The following PSMD7 variants were observed in gnomAD, a reference collection of about 807,000 sequenced individuals.
PSMD7 encodes proteasome 26S subunit, non-ATPase 7.
Under a neutral mutation model 36.4 loss-of-function variants are expected in PSMD7, and 13 were observed. The ratio of observed to expected loss-of-function variants is 0.36; its 90% CI spans 0.23 to 0.57. The LOEUF (loss-of-function observed/expected upper bound fraction) is 0.57, where lower values mean the gene tolerates loss of function less well. Ranked by LOEUF, PSMD7 falls within the 20% of genes least tolerant of loss-of-function variation. PSMD7 has a pLI of 0.83. For missense variants in PSMD7, 298 were observed against 393.6 expected (o/e 0.76, Z 2.06); for synonymous variants, 186 against 151.0 (o/e 1.23, Z -1.70).
intron 1 of PSMD7, among the ~76,000 whole-genome samples, chr16:74,297,562 C>G (rs894072691): frequency 6.6e-6 from 1 of 151,942 alleles, no homozygotes; most frequent in African/African-American, 2.4e-5. Context: ...CCATTTAGCC[C>G]CGCCCCAAGG....
rs556829912 is a variant in PSMD7, at chr16:74,300,565, A to C, written c.166+359A>C. The stretch of plus-strand genomic sequence containing the variant: ...GTTTAACCACGCTTCTTATAGGTAC[A>C]GTAAGGAGAGAGATGGGGAACTTTA... On this transcript the variant is annotated intron_variant, in intron 2 of 6. Coordinates refer to ENST00000219313, the MANE Select transcript of PSMD7 (RefSeq NM_002811.5). 5.5e-5 allele frequency: 16 copies of C among 293,002 alleles called. No homozygotes were observed. In the East Asian group the frequency reaches 1.1e-3, roughly 21 times the overall value. The allele number at this position is 293,002 out of a possible 1,614,324, so 18.2% of individuals were successfully genotyped here. A position where few individuals can be genotyped will look rare whatever the true frequency, so the allele number is the denominator to read the frequency against.
intron 1 of PSMD7, among the ~76,000 whole-genome samples, chr16:74,298,562 G>C (rs951260102): frequency 6.6e-6 from 1 of 152,224 alleles, no homozygotes; most frequent in African/African-American, 2.4e-5. Flanking sequence ...TCAAGCACTT[G>C]TTAAGAGCAC....
chr16:74,305,784 A>G lies in PSMD7; in HGVS notation c.*51A>G, dbSNP rs2034191917. On this transcript the variant is annotated 3_prime_UTR_variant, in exon 7 of 7. Transcript: ENST00000219313. ...TTTGTAAATTAAAATCTTACAAACT[A>G]AATCAGTGTGCTGCTAGAGGGTTCT... 2.1e-6 allele frequency: 3 copies of G among 1,405,646 alleles called. No homozygotes were observed. Among genetic ancestry groups the G allele is most frequent in the Non-Finnish European group, 2.8e-6 (3 of 1,082,462 alleles). The allele number at this position is 1,405,646 out of a possible 1,614,324, so 87.1% of individuals were successfully genotyped here. A position where few individuals can be genotyped will look rare whatever the true frequency, so the allele number is the denominator to read the frequency against.
chr16:74,300,003 C>G (rs931091989), intron 1 of PSMD7, 112 bp from the exon 2 acceptor site: 6 of 937,096 alleles, frequency 6.4e-6, no homozygotes, highest in African/African-American at 1.6e-5. Context: ...GATTAGTTCC[C>G]AGGTAAACTA....
In PSMD7 at chr16:74,298,202, T is replaced by A. The variant is rs542260766; in HGVS notation, c.74+1214T>A. ...GACCAGTTGGAGATTTGAACCTTAA[T>A]GAATAAGGTAAGGAAACATCTCAAA... On this transcript the variant is annotated intron_variant, in intron 1 of 6. Transcript: ENST00000219313. Among the ~76,000 whole-genome samples the A allele has an allele frequency of 4.1e-5, 6 of 147,700 alleles. No individual in the cohort carries two copies. In the South Asian group the frequency reaches 1.1e-3, roughly 27 times the overall value.
chr16:74,305,826 T>C lies in PSMD7; in HGVS notation c.*93T>C. ...GAGGGTTCTTTTTCACTTGACATGC[T>C]TATTAGAAAGCTGACCCAACAAGAG... On this transcript the variant is annotated 3_prime_UTR_variant, in exon 7 of 7. Transcript: ENST00000219313. 1 of 1,347,700 alleles carries C rather than the reference T, an allele frequency of 7.4e-7. No homozygotes were observed. The highest frequency in any genetic ancestry group is 9.5e-7 in the Non-Finnish European group (1 of 1,047,582). 83.5% of individuals were successfully genotyped at this position (1,347,700 alleles called of 1,614,324 possible). A position where few individuals can be genotyped will look rare whatever the true frequency, so the allele number is the denominator to read the frequency against.
intron 5 of PSMD7, among the ~76,000 whole-genome samples, chr16:74,303,257 A>G (rs1282804220): frequency 6.6e-6 from 1 of 152,254 alleles, no homozygotes; most frequent in East Asian, 1.9e-4. Flanking sequence ...CAGGATTAAC[A>G]CTATCCTAAA....
At chr16:74,304,196 A>G in intron 5 of PSMD7, 107 bp from the exon 6 acceptor site, 3 of 927,888 alleles carry the variant, frequency 3.2e-6, no homozygotes, top group Non-Finnish European at 5.2e-6. Context: ...TCAGTCATGC[A>G]CTCATTAAAT....
chr16:74,300,844 G>T (rs1156444967), intron 2 of PSMD7, among the ~76,000 whole-genome samples: 1 of 152,170 alleles, frequency 6.6e-6, no homozygotes, highest in Non-Finnish European at 1.5e-5. Context: ...TAGTTGCCAG[G>T]TATTCCAGTT....
chr16:74,298,303 C>G (rs765448699), intron 1 of PSMD7, among the ~76,000 whole-genome samples: 2 of 152,020 alleles, frequency 1.3e-5, no homozygotes, highest in Admixed American at 1.3e-4. Flanking sequence ...TCCTGCTAGA[C>G]CTGTTGCACA....
Position 74,305,905 on chromosome 16 carries a change from T to C in PSMD7, c.*172T>C. 1.6e-6 allele frequency: 1 copy of C among 630,148 alleles called. No homozygotes were observed. Among genetic ancestry groups the C allele is most frequent in the Non-Finnish European group, 2.3e-6 (1 of 430,688 alleles). The allele number at this position is 630,148 out of a possible 1,614,324, so 39.0% of individuals were successfully genotyped here. The stretch of plus-strand genomic sequence containing the variant: ...GTGCTACGTGGAAGTGAATGGAGAC[T>C]GATCTCAAATCTGAACTGCAGCTTT... On this transcript the variant is annotated 3_prime_UTR_variant, in exon 7 of 7. Coordinates refer to ENST00000219313, the MANE Select transcript of PSMD7 (RefSeq NM_002811.5).
Position 74,305,282 on chromosome 16 carries a change from AT to A in PSMD7, c.531-5del. On this transcript the variant is annotated splice_region_variant and splice_polypyrimidine_tract_variant and intron_variant, in intron 6 of 6. Coordinates refer to ENST00000219313, the MANE Select transcript of PSMD7 (RefSeq NM_002811.5). The stretch of plus-strand genomic sequence containing the variant: ...TTCCTGCCCTTTTTAACTGTGGGTT[AT>A]TACAGAGATATCAAAGACACGACGG... 1 of 1,602,260 alleles carries A rather than the reference AT, an allele frequency of 6.2e-7. No individual in the cohort carries two copies. The highest frequency in any genetic ancestry group is 8.5e-7 in the Non-Finnish European group (1 of 1,173,526).
At chr16:74,305,165 A>AT (rs1044696174) in intron 6 of PSMD7, 124 bp from the exon 7 acceptor site, 11 of 1,251,098 alleles carry the variant, frequency 8.8e-6, no homozygotes, top group Non-Finnish European at 1.2e-5. Flanking sequence ...GGGAAGTGAC[A>AT]TTTTTCTTTT....
chr16:74,304,463 G>T, intron 6 of PSMD7, 69 bp downstream of exon 6: 1 of 1,427,596 alleles, frequency 7.0e-7, no homozygotes, highest in Non-Finnish European at 9.8e-7. Flanking sequence ...GAAGAGGTCT[G>T]TGTCGGGAAT....
In PSMD7 at chr16:74,305,404, G is replaced by A. The variant is rs115842956; in HGVS notation, c.646G>A (p.Ala216Thr). Residue 216 changes from alanine to threonine, a missense_variant, in exon 7 of 7, where the codon GCC becomes ACC. By Grantham distance (58) the Ala-to-Thr change is moderately conservative. Coordinates refer to ENST00000219313, the MANE Select transcript of PSMD7 (RefSeq NM_002811.5). ...TATCAGGAGCTACCTGGAAAAAGTC[G>A]CCACAGGCAAGCTGCCCATCAACCA... ...LDIRSYLEKV[A>T]TGKLPINHQI... is the part of the protein sequence containing the mutation. 1.2e-4 allele frequency: 189 copies of A among 1,614,150 alleles called. No individual in the cohort carries two copies. The East Asian group carries it at 1.6e-3, about 14-fold the overall frequency.
chr16:74,305,854 C>G lies in PSMD7; in HGVS notation c.*121C>G, dbSNP rs751176646. The G allele has an allele frequency of 5.2e-6, 6 of 1,164,564 alleles. No individual in the cohort carries two copies. Among genetic ancestry groups the G allele is most frequent in the Non-Finnish European group, 6.8e-6 (6 of 888,888 alleles). The allele number at this position is 1,164,564 out of a possible 1,614,324, so 72.1% of individuals were successfully genotyped here. A position where few individuals can be genotyped will look rare whatever the true frequency, so the allele number is the denominator to read the frequency against. On this transcript the variant is annotated 3_prime_UTR_variant, in exon 7 of 7. Coordinates refer to ENST00000219313, the MANE Select transcript of PSMD7 (RefSeq NM_002811.5). Reference sequence around the variant, plus strand: ...TTAGAAAGCTGACCCAACAAGAGCTCTCTGCCTCCGGTCACTCTTGCTGTG... The same window carrying G: ...TTAGAAAGCTGACCCAACAAGAGCTGTCTGCCTCCGGTCACTCTTGCTGTG...
chr16:74,305,064 T>C (rs922612002), intron 6 of PSMD7: 13 of 613,140 alleles, frequency 2.1e-5, no homozygotes, highest in African/African-American at 3.8e-5. Context: ...TTATAATTGT[T>C]TTTTGAAAAA....
chr16:74,300,461 C>A, intron 2 of PSMD7: 1 of 484,214 alleles, frequency 2.1e-6, no homozygotes, highest in Non-Finnish European at 3.7e-6. Flanking sequence ...AACATGTAAA[C>A]AAACAAAAGT....
chr16:74,301,435 A>G (rs1231170967), intron 3 of PSMD7, 120 bp from the exon 4 acceptor site: 2 of 728,108 alleles, frequency 2.7e-6, no homozygotes, highest in Non-Finnish European at 4.6e-6. Flanking sequence ...CACCAGGGTA[A>G]ATATGTCTGG....
Sources: allele counts gnomAD v4.1 joint callset (sites outside exome capture counted in the v4.1 genomes callset), GRCh38; gene constraint gnomAD v4.1.1; transcripts MANE v1.5; gene names NCBI Gene and HGNC (gene_info 2026-07-23, HGNC 2026-07-21).